GAN: variants seen among roughly 807,000 people sequenced by gnomAD.
The protein encoded by GAN is gigaxonin.
GAN carries 48 observed loss-of-function variants against 71.3 expected under a neutral mutation model. The ratio of observed to expected loss-of-function variants is 0.67; its 90% CI spans 0.53 to 0.86. The LOEUF is 0.86. Ranked by LOEUF, GAN falls within the 40% of genes least tolerant of loss-of-function variation. The pLI is 0.00. For missense variants in GAN, 928 were observed against 770.1 expected, an observed-to-expected ratio of 1.21 and a Z score of -2.43; for synonymous variants, 386 against 276.8, an observed-to-expected ratio of 1.39 and a Z score of -3.92.
intron 1 of GAN, among the ~76,000 whole-genome samples, chr16:81,335,608 G>A (rs1324045561): frequency 6.6e-6 from 1 of 152,052 alleles, no homozygotes; most frequent in East Asian, 1.9e-4. Flanking sequence ...TTAGCTGGGT[G>A]TGGTGGCGCA....
rs729181 is a variant in GAN, at chr16:81,354,122, A to G, written c.283-283A>G. 0.47 allele frequency among the ~76,000 whole-genome samples: 71,623 copies of G among 151,956 alleles called. 17,235 individuals carry two copies. The highest frequency in any genetic ancestry group is 0.55 in the Middle Eastern group (160 of 292). On this transcript the variant is annotated intron_variant, in intron 2 of 10. Coordinates refer to ENST00000648994, the MANE Select transcript of GAN (RefSeq NM_022041.4). ...GTTTTTCTCTGAATTACAGAAGTGAACAACATGGACAGTTCACCCTAAAAG... is the reference window on the plus strand; with the variant it reads ...GTTTTTCTCTGAATTACAGAAGTGAGCAACATGGACAGTTCACCCTAAAAG...
chr16:81,333,520 G>C (rs1160601519), intron 1 of GAN, among the ~76,000 whole-genome samples: 2 of 152,162 alleles, frequency 1.3e-5, no homozygotes, highest in Admixed American at 6.5e-5. Flanking sequence ...CATAGCCTGG[G>C]GGGAAAAGGA....
chr16:81,327,847 G>T (rs1909439792), intron 1 of GAN, among the ~76,000 whole-genome samples: 1 of 152,220 alleles, frequency 6.6e-6, no homozygotes, highest in African/African-American at 2.4e-5. Flanking sequence ...GGGGTCTTAA[G>T]GTTATATAGA....
chr16:81,339,130 A>G lies in GAN; in HGVS notation c.168-12453A>G, dbSNP rs1368413754. Among the ~76,000 whole-genome samples, 2 of 152,244 alleles carry G rather than the reference A, an allele frequency of 1.3e-5. 1 individual carries two copies. Among genetic ancestry groups the G allele is most frequent in the African/African-American group, 4.8e-5 (2 of 41,468 alleles). ...AGCACAGATAATTGAAGAAGCACCT[A>G]TTAACCCCTTGTTACTCAAAGAGTG... On this transcript the variant is annotated intron_variant, in intron 1 of 10. Transcript: ENST00000648994.
chr16:81,365,206 T>C, intron 8 of GAN, 96 bp downstream of exon 8: 1 of 1,560,384 alleles, frequency 6.4e-7, no homozygotes, highest in Non-Finnish European at 8.8e-7. Context: ...TCTTTCAGAG[T>C]AACCTTTTCT....
chr16:81,347,455 G>C (rs1032225698), intron 1 of GAN, among the ~76,000 whole-genome samples: 1 of 152,062 alleles, frequency 6.6e-6, no homozygotes, highest in Non-Finnish European at 1.5e-5. Context: ...CACCATTATT[G>C]TGCATCCCTT....
intron 1 of GAN, among the ~76,000 whole-genome samples, chr16:81,321,070 A>G (rs1489777927): frequency 6.6e-6 from 1 of 152,184 alleles, no homozygotes; most frequent in South Asian, 2.1e-4. Context: ...TGTAAATTTC[A>G]ATTTAACACA....
chr16:81,351,885 A>G (rs140844207), intron 2 of GAN, among the ~76,000 whole-genome samples, 188 bp downstream of exon 2: 2 of 152,310 alleles, frequency 1.3e-5, no homozygotes, highest in East Asian at 1.9e-4. Context: ...GTGCTCCTAG[A>G]GAAGCAGAGG....
rs1379227526 is a variant in GAN at position 81,315,206 on chromosome 16, C to G, written c.93C>G (p.Asp31Glu). The G allele has an allele frequency of 2.5e-6, 4 of 1,579,430 alleles. No homozygotes were observed. The highest frequency in any genetic ancestry group is 3.4e-6 in the Non-Finnish European group (4 of 1,164,992). ...SSFREESRFC[D>E]AHLVLDGEEI... The stretch of plus-strand genomic sequence containing the variant: ...TCCGCGAGGAGTCTCGCTTCTGCGA[C>G]GCGCACCTGGTCCTCGACGGGGAGG... Residue 31 changes from aspartate to glutamate, a missense_variant, in exon 1 of 11, where the codon GAC becomes GAG. Coordinates refer to ENST00000648994, the MANE Select transcript of GAN (RefSeq NM_022041.4).
At chr16:81,334,342 G>A (rs906598074) in intron 1 of GAN, among the ~76,000 whole-genome samples, 1 of 152,150 alleles carries the variant, frequency 6.6e-6, no homozygotes, top group Non-Finnish European at 1.5e-5. Context: ...GTGAAGGTGG[G>A]TCTCCGTCAC....
Position 81,385,827 on chromosome 16 carries a change from A to G in GAN, c.*8231A>G, listed in dbSNP as rs968597781. The G allele has an allele frequency of 7.0e-6, 1 of 142,254 alleles. No individual in the cohort carries two copies. Among genetic ancestry groups the G allele is most frequent in the Non-Finnish European group, 1.5e-5 (1 of 66,876 alleles). The allele number at this position is 142,254 out of a possible 1,614,324, so 8.8% of individuals were successfully genotyped here. On this transcript the variant is annotated 3_prime_UTR_variant, in exon 11 of 11. Transcript: ENST00000648994. ...CGCTCCGTCACCCAGGCTGGAGTGC[A>G]GTGGCGCCATCTCCCAGGCTCAAGG...
In GAN at chr16:81,384,572, C is replaced by T. The variant is rs1904347126; in HGVS notation, c.*6976C>T. On this transcript the variant is annotated 3_prime_UTR_variant, in exon 11 of 11. Coordinates refer to ENST00000648994, the MANE Select transcript of GAN (RefSeq NM_022041.4). Reference sequence around the variant, plus strand: ...TTTGGGATTTGGGTGCTTGAGGATACTATTTTTTTCATTTCTTATAAGGTG... The same window carrying T: ...TTTGGGATTTGGGTGCTTGAGGATATTATTTTTTTCATTTCTTATAAGGTG... 6.6e-6 allele frequency: 1 copy of T among 152,080 alleles called. No individual in the cohort carries two copies. The highest frequency in any genetic ancestry group is 2.1e-4 in the South Asian group (1 of 4,832). 9.4% of individuals were successfully genotyped at this position (152,080 alleles called of 1,614,324 possible). A position where few individuals can be genotyped will look rare whatever the true frequency, so the allele number is the denominator to read the frequency against.
chr16:81,358,489 G>T (rs185837425), intron 5 of GAN, among the ~76,000 whole-genome samples: 37 of 151,912 alleles, frequency 2.4e-4, no homozygotes, highest in Admixed American at 2.3e-3. Context: ...TGCACTTGTG[G>T]TCCCAGCTAC....
In GAN at chr16:81,320,268, C is replaced by G. The variant is rs76589174; in HGVS notation, c.167+4988C>G. ...GACATTATTTTTTGAATATCTGAAACATACACTGTAGTTTAATGTCACATG... is the reference window on the plus strand; with the variant it reads ...GACATTATTTTTTGAATATCTGAAAGATACACTGTAGTTTAATGTCACATG... On this transcript the variant is annotated intron_variant, in intron 1 of 10. Transcript: ENST00000648994. Among the ~76,000 whole-genome samples the G allele has an allele frequency of 4.3e-3, 655 of 152,322 alleles. 11 individuals carry two copies. Among genetic ancestry groups the G allele is most frequent in the African/African-American group, 0.015 (622 of 41,560 alleles).
At chr16:81,343,967 C>A (rs1386216289) in intron 1 of GAN, among the ~76,000 whole-genome samples, 1 of 152,114 alleles carries the variant, frequency 6.6e-6, no homozygotes, top group African/African-American at 2.4e-5. Context: ...TTGCTATACA[C>A]CAATAACAGA....
chr16:81,335,875 A>G (rs1039312482), intron 1 of GAN, among the ~76,000 whole-genome samples: 3 of 152,286 alleles, frequency 2.0e-5, no homozygotes, highest in Non-Finnish European at 4.4e-5. Flanking sequence ...AGAAATGAAT[A>G]GAGAAAAATT....
At position 81,354,747 on chromosome 16, in the gene GAN, A is replaced by G. The variant is rs369789553; in HGVS notation, c.625A>G (p.Ile209Val). The G allele has an allele frequency of 1.9e-6, 3 of 1,565,170 alleles. No individual in the cohort carries two copies. In the African/African-American group the frequency reaches 4.1e-5, roughly 21 times the overall value. ...TCGATGGATAGCACATGATACAGAA[A>G]TAAGAAAGGTACCTGTCATTTATAA... ...VIRWIAHDTE[I>V]RKVHMKDVMS... is the part of the protein sequence containing the mutation. The change falls in exon 3 of 11, where the codon ATA (isoleucine) becomes GTA (valine). Residue 209 changes from isoleucine to valine, a missense_variant. Physicochemically the swap from Ile to Val is conservative, Grantham distance 29. Transcript: ENST00000648994.
intron 4 of GAN, 21 bp from the exon 5 acceptor site, chr16:81,357,789 A>T: frequency 1.2e-6 from 2 of 1,608,496 alleles, no homozygotes; most frequent in Non-Finnish European, 1.7e-6. Flanking sequence ...TTAACTACTG[A>T]TCACTTATTT....
chr16:81,361,782 A>T (rs1910680734), intron 5 of GAN, among the ~76,000 whole-genome samples: 1 of 152,022 alleles, frequency 6.6e-6, no homozygotes, highest in African/African-American at 2.4e-5. Context: ...TCAGCTTCAC[A>T]CTCCTGGGCT....
Sources: gnomAD v4.1 joint callset for allele counts (sites outside exome capture counted in the v4.1 genomes callset) on GRCh38, gnomAD v4.1.1 for gene constraint, MANE v1.5 for transcripts, NCBI Gene and HGNC (gene_info 2026-07-23, HGNC 2026-07-21) for gene names.